The following LRIG2 variants were observed in gnomAD, a reference collection of about 807,000 sequenced individuals.
The protein encoded by LRIG2 is leucine-rich repeats and immunoglobulin-like domains protein 2.
In LRIG2, 93 loss-of-function variants were observed where a neutral mutation model predicts 107.8. That is an observed-to-expected ratio of 0.86 (90% CI 0.73 to 1.03). The LOEUF (loss-of-function observed/expected upper bound fraction) is 1.03. LRIG2 is among the 50% of genes least tolerant of loss of function. LRIG2 has a pLI of 0.00. For synonymous variants in LRIG2, 471 were observed against 470.6 expected, an observed-to-expected ratio of 1.00 and a Z score of -0.01; for missense variants, 1,226 against 1,296.0, an observed-to-expected ratio of 0.95 and a Z score of 0.83.
intron 6 of LRIG2, among the ~76,000 whole-genome samples, chr1:113,095,649 C>T (rs188559010): frequency 3.9e-5 from 6 of 152,066 alleles, no homozygotes; most frequent in African/African-American, 7.2e-5. Context: ...CCTTGTGATC[C>T]GCCCACCTCG....
At chr1:113,096,399 T>C (rs1283657816) in intron 8 of LRIG2, 34 bp downstream of exon 8, 14 of 1,592,054 alleles carry the variant, frequency 8.8e-6, no homozygotes, top group Non-Finnish European at 1.2e-5. Context: ...TGGTTGTTGT[T>C]ACTGATTTTT....
chr1:113,091,862 G>A (rs1653843364), intron 2 of LRIG2, among the ~76,000 whole-genome samples: 1 of 152,124 alleles, frequency 6.6e-6, no homozygotes, highest in African/African-American at 2.4e-5. Flanking sequence ...ATACTGAGAT[G>A]TATTATGTAA....
At position 113,119,352 on chromosome 1, in the gene LRIG2, C is replaced by G. The variant is rs372854535; in HGVS notation, c.2800C>G (p.Leu934Val). The G allele has an allele frequency of 5.0e-6, 8 of 1,614,092 alleles. No homozygotes were observed. Among genetic ancestry groups the G allele is most frequent in the Non-Finnish European group, 5.9e-6 (7 of 1,180,018 alleles). Reference sequence around the variant, plus strand: ...TGAGGAGGACGTTCTTGATCAGACACTGTCCAGCCTCATGGTCCAAATGCC... The same window carrying G: ...TGAGGAGGACGTTCTTGATCAGACAGTGTCCAGCCTCATGGTCCAAATGCC... Reference protein sequence around the residue: ...IAEEDVLDQTLSSLMVQMPKE... With the variant: ...IAEEDVLDQTVSSLMVQMPKE... Residue 934 changes from leucine (L) to valine (V), a missense_variant, in exon 17 of 18, where the codon CTG (leucine) becomes GTG (valine). Around this residue, in one of 3 missense-constraint regions of LRIG2, gnomAD observed 642 missense variants for 712.2 expected, o/e 0.90. Coordinates refer to ENST00000361127, the MANE Select transcript of LRIG2 (RefSeq NM_014813.3).
At chr1:113,082,229 G>A (rs1653321734) in intron 1 of LRIG2, among the ~76,000 whole-genome samples, 1 of 152,146 alleles carries the variant, frequency 6.6e-6, no homozygotes, top group Non-Finnish European at 1.5e-5. Context: ...GCAAATGTGA[G>A]CCTTTAAAAT....
intron 10 of LRIG2, 43 bp downstream of exon 10, chr1:113,100,325 T>C (rs2101043282): frequency 6.6e-7 from 1 of 1,507,516 alleles, no homozygotes; most frequent in Non-Finnish European, 9.2e-7. Flanking sequence ...TAAATAATCT[T>C]TGCTATTAGC....
rs1655680471 is a variant in LRIG2, at chr1:113,130,807, G to C, written c.*6706G>C. 1 of 152,176 alleles carries C rather than the reference G, an allele frequency of 6.6e-6. No individual in the cohort carries two copies. Among genetic ancestry groups the C allele is most frequent in the Non-Finnish European group, 1.5e-5 (1 of 68,044 alleles). The allele number at this position is 152,176 out of a possible 1,614,324, so 9.4% of individuals were successfully genotyped here. ...CGGTCTGACCTGTGTTCGTAGCTGGGAACATGAAACACAAAATTCTGGGTT... is the reference window on the plus strand; with the variant it reads ...CGGTCTGACCTGTGTTCGTAGCTGGCAACATGAAACACAAAATTCTGGGTT... On this transcript the variant is annotated 3_prime_UTR_variant, in exon 18 of 18. Coordinates refer to ENST00000361127, the MANE Select transcript of LRIG2 (RefSeq NM_014813.3).
rs1557917491 is a variant in LRIG2 at position 113,114,539 on chromosome 1, A to C, written c.2193A>C (p.Lys731Asn). 1.2e-6 allele frequency: 2 copies of C among 1,614,158 alleles called. No individual in the cohort carries two copies. The highest frequency in any genetic ancestry group is 8.5e-7 in the Non-Finnish European group (1 of 1,180,040). The change falls in exon 15 of 18, where the codon AAA becomes AAC. Residue 731 changes from lysine to asparagine, a missense_variant. Lys to Asn is a moderately conservative substitution (Grantham distance 94). Around this residue, in one of 3 missense-constraint regions of LRIG2, gnomAD observed 642 missense variants for 712.2 expected, o/e 0.90. Transcript: ENST00000361127. ...CTGCCCCTCGTCTCAACTGGACTAAAGATGATGGGCCTTTGCTGGTGACAG... is the reference window on the plus strand; with the variant it reads ...CTGCCCCTCGTCTCAACTGGACTAACGATGATGGGCCTTTGCTGGTGACAG... ...GSPAPRLNWT[K>N]DDGPLLVTER...
At position 113,114,529 on chromosome 1, in the gene LRIG2, A is replaced by C; in HGVS notation, c.2183A>C (p.Asn728Thr). The C allele has an allele frequency of 6.2e-7, 1 of 1,614,080 alleles. No homozygotes were observed. Among genetic ancestry groups the C allele is most frequent in the African/African-American group, 1.3e-5 (1 of 75,008 alleles). ...IAGGSPAPRL[N>T]WTKDDGPLLV... ...GGAGGGAGTCCTGCCCCTCGTCTCA[A>C]CTGGACTAAAGATGATGGGCCTTTG... Residue 728 changes from asparagine to threonine, a missense_variant, in exon 15 of 18, where the codon AAC becomes ACC. By Grantham distance (65) the Asn-to-Thr change is moderately conservative. Coordinates refer to ENST00000361127, the MANE Select transcript of LRIG2 (RefSeq NM_014813.3).
chr1:113,099,255 T>TTTTTTTTTTTTTTTTTTG (rs59585603), intron 9 of LRIG2, among the ~76,000 whole-genome samples: 1 of 148,668 alleles, frequency 6.7e-6, no homozygotes, highest in Non-Finnish European at 1.5e-5. Flanking sequence ...TTTTTTTTTT[T>TTTTTTTTTTTTTTTTTTG]GAGACAGGGT....
chr1:113,109,300 A>G (rs1654671907), intron 12 of LRIG2, among the ~76,000 whole-genome samples: 1 of 152,234 alleles, frequency 6.6e-6, no homozygotes. Flanking sequence ...CAATCAGTCC[A>G]ATAACATTAT....
At chr1:113,113,313 A>T (rs190686959) in intron 14 of LRIG2, among the ~76,000 whole-genome samples, 12 of 150,676 alleles carry the variant, frequency 8.0e-5, no homozygotes, top group African/African-American at 2.9e-4. Flanking sequence ...TTTTTCCTAA[A>T]AATTTTCCCC....
chr1:113,082,682 C>G (rs1007289554), intron 1 of LRIG2, among the ~76,000 whole-genome samples: 1 of 152,122 alleles, frequency 6.6e-6, no homozygotes, highest in South Asian at 2.1e-4. Context: ...GAGACGAAGT[C>G]TCTCTCTGTT....
Position 113,114,637 on chromosome 1 carries a change from A to G in LRIG2, c.2291A>G (p.Tyr764Cys). The G allele has an allele frequency of 6.2e-7, 1 of 1,614,146 alleles. No individual in the cohort carries two copies. The highest frequency in any genetic ancestry group is 8.5e-7 in the Non-Finnish European group (1 of 1,180,008). Residue 764 changes from tyrosine (Y) to cysteine (C), a missense_variant, in exon 15 of 18, where the codon TAT becomes TGT. By Grantham distance (194) the Tyr-to-Cys change is radical. Around this residue, in one of 3 missense-constraint regions of LRIG2, gnomAD observed 642 missense variants for 712.2 expected, o/e 0.90. Transcript: ENST00000361127. The part of the protein sequence containing the change: ...VDAGLEDAGK[Y>C]TCIMSNTLGT... ...GCCGGGCTAGAAGATGCTGGGAAAT[A>G]TACCTGCATTATGTCTAACACCCTT...
intron 1 of LRIG2, among the ~76,000 whole-genome samples, chr1:113,085,361 G>A (rs1252370950): frequency 3.9e-5 from 6 of 152,086 alleles, no homozygotes; most frequent in African/African-American, 1.2e-4. Context: ...TCTGCTCACC[G>A]CAACCTCCGC....
intron 17 of LRIG2, among the ~76,000 whole-genome samples, chr1:113,121,201 A>G (rs1355486181): frequency 2.0e-5 from 3 of 152,054 alleles, no homozygotes; most frequent in African/African-American, 7.2e-5. Context: ...GTTTTTTTCT[A>G]TGAGGTATGA....
At chr1:113,099,455 G>T (rs1654216168) in intron 9 of LRIG2, among the ~76,000 whole-genome samples, 2 of 151,506 alleles carry the variant, frequency 1.3e-5, no homozygotes, top group African/African-American at 4.9e-5. Context: ...GCCCAGGCTG[G>T]TGTTGAACTC....
chr1:113,092,219 T>TACAA (rs1653860612), intron 2 of LRIG2, among the ~76,000 whole-genome samples: 1 of 152,254 alleles, frequency 6.6e-6, no homozygotes, highest in Non-Finnish European at 1.5e-5. Flanking sequence ...TAACTTTGGT[T>TACAA]GGTTTCCTGA....
chr1:113,095,758 G>T, intron 6 of LRIG2, 116 bp from the exon 7 acceptor site: 1 of 945,630 alleles, frequency 1.1e-6, no homozygotes. Flanking sequence ...GAATTGGTCA[G>T]CTCAGTTGGG....
intron 11 of LRIG2, among the ~76,000 whole-genome samples, chr1:113,102,928 G>C (rs1348482469): frequency 6.6e-6 from 1 of 151,982 alleles, no homozygotes; most frequent in Non-Finnish European, 1.5e-5. Context: ...GATCTGTTGA[G>C]ATATTTTGAG....
Sources: gnomAD v4.1 joint callset for allele counts (sites outside exome capture counted in the v4.1 genomes callset) on GRCh38, gnomAD v4.1.1 for gene constraint, gnomAD v4.1.1 regional missense constraint, MANE v1.5 for transcripts, NCBI Gene and HGNC (gene_info 2026-07-23, HGNC 2026-07-21) for gene names.